Variants in IFT57 observed in about 807,000 individuals in gnomAD.
The protein encoded by IFT57 is intraflagellar transport 57, also known as intraflagellar transport protein 57 homolog.
Under a neutral mutation model 56.8 loss-of-function variants are expected in IFT57, and 59 were observed. That is an observed-to-expected ratio of 1.04 (90% confidence interval 0.84 to 1.29). The LOEUF (loss-of-function observed/expected upper bound fraction) is 1.29. IFT57 is among the 50% of genes most tolerant of loss of function. The pLI, the probability that IFT57 is intolerant of heterozygous loss-of-function variation, is 0.00. For synonymous variants in IFT57, 209 were observed against 186.1 expected (o/e 1.12, Z -1.00); for missense variants, 470 against 522.1 (o/e 0.90, Z 0.97).
At position 108,162,448 on chromosome 3, in the gene IFT57, C is replaced by A. The variant is rs2080038874; in HGVS notation, c.*29G>T. 5.2e-6 allele frequency: 8 copies of A among 1,544,196 alleles called. No homozygotes were observed. In the East Asian group the frequency reaches 9.1e-5, roughly 18 times the overall value. ...ATATAGTTTGATATAAAAAACCCAACTAATCAGAAACATGAAAACCAGTAT... is the reference window on the plus strand; with the variant it reads ...ATATAGTTTGATATAAAAAACCCAAATAATCAGAAACATGAAAACCAGTAT... On this transcript the variant is annotated 3_prime_UTR_variant, in exon 11 of 11. Transcript: ENST00000264538.
chr3:108,203,222 C>T (rs1320919680), intron 5 of IFT57, among the ~76,000 whole-genome samples: 1 of 152,192 alleles, frequency 6.6e-6, no homozygotes, highest in African/African-American at 2.4e-5. Flanking sequence ...TTGTCAGGCC[C>T]GTATCACAGC....
intron 8 of IFT57, among the ~76,000 whole-genome samples, chr3:108,165,740 C>T (rs975533887): frequency 1.3e-5 from 2 of 152,036 alleles, no homozygotes; most frequent in Admixed American, 1.3e-4. Context: ...GTGTACCTCG[C>T]ATGGGCATGG....
In IFT57 at chr3:108,219,522, C is replaced by A. The variant is rs1475331158; in HGVS notation, c.263G>T (p.Cys88Phe). ...TNPGEQFYMFCTLAAWLINKA... is the reference protein window; with the variant it reads ...TNPGEQFYMFFTLAAWLINKA... ...ATTAATCAACCAAGCAGCAAGAGTA[C>A]AAAACATGTAGAACTGTTCGCCAGG... The change falls in exon 2 of 11, where the codon TGT becomes TTT. Residue 88 changes from cysteine (C) to phenylalanine (F), a missense_variant. Transcript: ENST00000264538. 1 of 1,613,908 alleles carries A rather than the reference C, an allele frequency of 6.2e-7. No individual in the cohort carries two copies. Among genetic ancestry groups the A allele is most frequent in the Admixed American group, 1.7e-5 (1 of 60,008 alleles).
Position 108,222,234 on chromosome 3 carries a change from A to C in IFT57, c.89T>G (p.Leu30Trp). 1 of 1,614,084 alleles carries C rather than the reference A, an allele frequency of 6.2e-7. No homozygotes were observed. Among genetic ancestry groups the C allele is most frequent in the Non-Finnish European group, 8.5e-7 (1 of 1,179,994 alleles). Residue 30 changes from leucine (L) to tryptophan (W), a missense_variant, in exon 1 of 11, where the codon TTG (leucine) becomes TGG (tryptophan). By Grantham distance (61) the Leu-to-Trp change is moderately conservative. Transcript: ENST00000264538. Reference sequence around the variant, plus strand: ...GTAGGCCGCGCCGGGCCCCCGCTCCAAGACCACTTCCCCGGTCCCTTCGCC... The same window carrying C: ...GTAGGCCGCGCCGGGCCCCCGCTCCCAGACCACTTCCCCGGTCCCTTCGCC... Reference protein sequence around the residue: ...SRGEGTGEVVLERGPGAAYHM... With the variant: ...SRGEGTGEVVWERGPGAAYHM...
At position 108,219,505 on chromosome 3, in the gene IFT57, A is replaced by G; in HGVS notation, c.280T>C (p.Leu94=). 1.9e-6 allele frequency: 3 copies of G among 1,613,998 alleles called. No homozygotes were observed. The highest frequency in any genetic ancestry group is 1.1e-5 in the South Asian group (1 of 91,084). Reference sequence around the variant, plus strand: ...AAGGGACGTCCCGCTTTATTAATCAACCAAGCAGCAAGAGTACAAAACATG... The same window carrying G: ...AAGGGACGTCCCGCTTTATTAATCAGCCAAGCAGCAAGAGTACAAAACATG... The part of the protein sequence containing the change: ...FYMFCTLAAW[L]INKAGRPFEQ... Residue 94 remains leucine, a synonymous_variant, in exon 2 of 11, where the codon TTG becomes CTG. Coordinates refer to ENST00000264538, the MANE Select transcript of IFT57 (RefSeq NM_018010.4).
At chr3:108,198,424 G>A (rs1008994131) in intron 5 of IFT57, among the ~76,000 whole-genome samples, 3 of 151,952 alleles carry the variant, frequency 2.0e-5, no homozygotes. Context: ...CTCATGTTTG[G>A]TGTGTGCGTG....
At chr3:108,212,606 C>CT (rs2080348644) in intron 4 of IFT57, among the ~76,000 whole-genome samples, 1 of 152,138 alleles carries the variant, frequency 6.6e-6, no homozygotes, top group African/African-American at 2.4e-5. Context: ...ACTTACCCAG[C>CT]GCCTCAAGTA....
intron 4 of IFT57, among the ~76,000 whole-genome samples, chr3:108,212,102 C>T (rs1471659483): frequency 6.6e-6 from 1 of 152,148 alleles, no homozygotes; most frequent in Admixed American, 6.5e-5. Context: ...CCCACCTCAG[C>T]CTCCTGAGTA....
chr3:108,191,632 C>T lies in IFT57; in HGVS notation c.666G>A (p.Glu222=). 6.2e-7 allele frequency: 1 copy of T among 1,601,788 alleles called. No homozygotes were observed. Among genetic ancestry groups the T allele is most frequent in the Non-Finnish European group, 8.5e-7 (1 of 1,174,778 alleles). ...KAQTYHLDMN[E]TAKQEDILES... is the part of the protein sequence containing the mutation. ...CCAAAATATCTTCTTGTTTGGCAGT[C>T]TCGTTCATATCCTAAGAAAGGAAAG... is the stretch of plus-strand genomic sequence containing the variant. Residue 222 remains glutamate, a synonymous_variant, in exon 6 of 11, where the codon GAG becomes GAA. Coordinates refer to ENST00000264538, the MANE Select transcript of IFT57 (RefSeq NM_018010.4).
At chr3:108,184,370 T>G (rs563951999) in intron 6 of IFT57, among the ~76,000 whole-genome samples, 2 of 152,164 alleles carry the variant, frequency 1.3e-5, no homozygotes, top group South Asian at 4.2e-4. Context: ...ACAAAAAAAT[T>G]TTCTAGAGAT....
chr3:108,189,016 A>G (rs9853929), intron 6 of IFT57, among the ~76,000 whole-genome samples: 16 of 152,190 alleles, frequency 1.1e-4, no homozygotes, highest in Non-Finnish European at 2.2e-4. Flanking sequence ...ACACATCATT[A>G]TAACCAGAAT....
At chr3:108,195,002 A>G (rs9882055) in intron 5 of IFT57, among the ~76,000 whole-genome samples, 14,641 of 152,206 alleles carry the variant, frequency 0.096, 761 homozygotes, top group Middle Eastern at 0.12. Flanking sequence ...TTCTGCACAG[A>G]AAAGGAAGCA....
chr3:108,186,967 T>C (rs2080187370), intron 6 of IFT57, among the ~76,000 whole-genome samples: 1 of 152,196 alleles, frequency 6.6e-6, no homozygotes, highest in South Asian at 2.1e-4. Flanking sequence ...ACATACAAAA[T>C]ATCTGTTAAT....
intron 5 of IFT57, among the ~76,000 whole-genome samples, chr3:108,200,016 T>G (rs1321673885): frequency 6.6e-6 from 1 of 152,170 alleles, no homozygotes; most frequent in Non-Finnish European, 1.5e-5. Flanking sequence ...AATAAAGGGT[T>G]TGTAGAAGAA....
intron 5 of IFT57, among the ~76,000 whole-genome samples, chr3:108,193,523 A>G (rs1017362170): frequency 3.3e-5 from 5 of 152,210 alleles, no homozygotes; most frequent in African/African-American, 1.2e-4. Flanking sequence ...TAAAAAAACA[A>G]AACATTAAGT....
rs892769189 is a variant in IFT57 at position 108,179,560 on chromosome 3, T to TTG, written c.778-11698_778-11697dup. ...TTTTTGCCACTTGGCACAAGCAGAT[T>TTG]TGCAATCTCTTCTTTTTCTCATTCG... is the stretch of plus-strand genomic sequence containing the variant. On this transcript the variant is annotated intron_variant, in intron 6 of 10. Transcript: ENST00000264538. Among the ~76,000 whole-genome samples, 49 of 152,182 alleles carry TTG rather than the reference T, an allele frequency of 3.2e-4. 1 individual carries two copies. The highest frequency in any genetic ancestry group is 1.2e-3 in the African/African-American group (48 of 41,558).
At chr3:108,218,067 T>C (rs972191988) in intron 3 of IFT57, among the ~76,000 whole-genome samples, 2 of 151,942 alleles carry the variant, frequency 1.3e-5, no homozygotes, top group South Asian at 2.1e-4. Context: ...GAACAATGTC[T>C]AGGAGAGTGT....
At chr3:108,213,722 C>T (rs1399924400) in intron 4 of IFT57, 5 of 470,012 alleles carry the variant, frequency 1.1e-5, no homozygotes, top group Non-Finnish European at 1.9e-5. Context: ...AGAACCTCTG[C>T]TAAAATTCAG....
rs560467988 is a variant in IFT57 at position 108,174,944 on chromosome 3, A to G, written c.778-7080T>C. On this transcript the variant is annotated intron_variant, in intron 6 of 10. Transcript: ENST00000264538. ...TTGGGGGTTGTTTGTTATGCAGAAA[A>G]ATTAACTACATATATGTATTTTATA... Among the ~76,000 whole-genome samples, 5 of 151,954 alleles carry G rather than the reference A, an allele frequency of 3.3e-5. No homozygotes were observed. In the East Asian group the frequency reaches 9.7e-4, roughly 30 times the overall value.
Sources: allele counts gnomAD v4.1 joint callset (sites outside exome capture counted in the v4.1 genomes callset), GRCh38; gene constraint gnomAD v4.1.1; transcripts MANE v1.5; gene names NCBI Gene and HGNC (gene_info 2026-07-23, HGNC 2026-07-21).